The following GPM6A variants were observed in gnomAD, a reference collection of about 807,000 sequenced individuals.
GPM6A encodes the protein neuronal membrane glycoprotein M6-a.
Under a neutral mutation model 32.1 loss-of-function variants are expected in GPM6A, and 7 were observed. The ratio of observed to expected loss-of-function variants is 0.22; its 90% CI spans 0.12 to 0.41. The LOEUF (loss-of-function observed/expected upper bound fraction) is 0.41, where lower values mean the gene tolerates loss of function less well. GPM6A is among the 10% of genes least tolerant of loss of function. The pLI is 1.00. For synonymous variants in GPM6A, 130 were observed against 123.4 expected, an observed-to-expected ratio of 1.05 and a Z score of -0.35; for missense variants, 235 against 347.2, an observed-to-expected ratio of 0.68 and a Z score of 2.57.
chr4:175,930,448 G>GT (rs972005745), intron 1 of GPM6A, among the ~76,000 whole-genome samples: 4 of 128,816 alleles, frequency 3.1e-5, no homozygotes, highest in African/African-American at 8.0e-5. Context: ...TTTTGTTGTT[G>GT]TTTTTTTTAA....
At chr4:175,919,462 C>G (rs1353351674) in intron 1 of GPM6A, among the ~76,000 whole-genome samples, 3 of 152,062 alleles carry the variant, frequency 2.0e-5, no homozygotes, top group Non-Finnish European at 4.4e-5. Context: ...AATAGAGGGT[C>G]TTTTTATTTT....
At chr4:175,752,873 C>T (rs573325995) in intron 1 of GPM6A, among the ~76,000 whole-genome samples, 67 of 152,158 alleles carry the variant, frequency 4.4e-4, no homozygotes, top group Non-Finnish European at 8.7e-4. Flanking sequence ...AAGGCTCCAT[C>T]TGCAGAGAGT....
intron 1 of GPM6A, among the ~76,000 whole-genome samples, chr4:175,932,938 C>T (rs1739098518): frequency 6.6e-6 from 1 of 151,668 alleles, no homozygotes; most frequent in African/African-American, 2.4e-5. Context: ...ATGAAATAAA[C>T]AAGAGGGAGG....
intron 1 of GPM6A, among the ~76,000 whole-genome samples, chr4:175,968,947 A>C (rs1740415419): frequency 6.6e-6 from 1 of 152,238 alleles, no homozygotes; most frequent in Non-Finnish European, 1.5e-5. Context: ...AAAACTTTAG[A>C]CTACACAAAA....
intron 1 of GPM6A, among the ~76,000 whole-genome samples, chr4:175,740,612 G>T (rs753799240): frequency 1.3e-5 from 2 of 151,984 alleles, no homozygotes; most frequent in Non-Finnish European, 2.9e-5. Flanking sequence ...AAATAGATTG[G>T]AGGTAGGTAA....
At chr4:175,974,797 C>T (rs1013183958) in intron 1 of GPM6A, among the ~76,000 whole-genome samples, 7 of 152,088 alleles carry the variant, frequency 4.6e-5, no homozygotes, top group Non-Finnish European at 1.0e-4. Flanking sequence ...ATCCTCCAGC[C>T]TCAGCCTCCT....
chr4:175,875,868 C>G (rs1306134021), intron 1 of GPM6A, among the ~76,000 whole-genome samples: 1 of 152,186 alleles, frequency 6.6e-6, no homozygotes, highest in East Asian at 1.9e-4. Flanking sequence ...GGTGGATCAC[C>G]TATCTTTGAG....
intron 1 of GPM6A, among the ~76,000 whole-genome samples, chr4:175,776,284 G>T (rs1467244623): frequency 6.6e-6 from 1 of 152,088 alleles, no homozygotes; most frequent in East Asian, 1.9e-4. Context: ...CAATTTATAT[G>T]TAAATTCTAT....
intron 1 of GPM6A, among the ~76,000 whole-genome samples, chr4:175,784,959 G>C (rs1252769693): frequency 6.6e-6 from 1 of 152,190 alleles, no homozygotes; most frequent in Non-Finnish European, 1.5e-5. Flanking sequence ...AATAGTCAAA[G>C]ATCTCAATTC....
At chr4:175,923,846 G>A (rs1402804204) in intron 1 of GPM6A, among the ~76,000 whole-genome samples, 1 of 151,998 alleles carries the variant, frequency 6.6e-6, no homozygotes, top group Non-Finnish European at 1.5e-5. Flanking sequence ...GAGCCATCAT[G>A]CCCAATCTCA....
In GPM6A at chr4:175,787,280, G is replaced by T. The variant is rs929469829; in HGVS notation, c.37+24911C>A. The stretch of plus-strand genomic sequence containing the variant: ...TGCACTACAGAGATAAAGCAGAAAT[G>T]ATTTCCTCAATAGTTTCACTGATAA... On this transcript the variant is annotated intron_variant, in intron 1 of 6. Transcript: ENST00000393658. The T allele has an allele frequency of 2.2e-5, 22 of 1,021,474 alleles. No homozygotes were observed. In the East Asian group the frequency reaches 5.2e-4, roughly 24 times the overall value. 63.3% of individuals were successfully genotyped at this position (1,021,474 alleles called of 1,614,324 possible). A position where few individuals can be genotyped will look rare whatever the true frequency, so the allele number is the denominator to read the frequency against.
intron 1 of GPM6A, among the ~76,000 whole-genome samples, chr4:175,842,848 A>G (rs1735982142): frequency 6.6e-6 from 1 of 152,230 alleles, no homozygotes; most frequent in South Asian, 2.1e-4. Flanking sequence ...TTTAATATGA[A>G]TTGAATTAAT....
At chr4:175,798,584 C>G (rs1229549781) in intron 1 of GPM6A, 1 of 151,940 alleles carries the variant, frequency 6.6e-6, no homozygotes, top group Non-Finnish European at 1.5e-5. Context: ...ATCACATTAT[C>G]AAAAATACAC....
At position 175,774,322 on chromosome 4, in the gene GPM6A, A is replaced by G. The variant is rs977762304; in HGVS notation, c.37+37869T>C. 4.9e-4 allele frequency among the ~76,000 whole-genome samples: 75 copies of G among 152,112 alleles called. 1 individual carries two copies. Among genetic ancestry groups the G allele is most frequent in the African/African-American group, 1.8e-3 (73 of 41,458 alleles). ...TCTTGGATTAATAACATCATATCTA[A>G]TGTAACTCATCCTGCTAATTATTTA... On this transcript the variant is annotated intron_variant, in intron 1 of 6. Coordinates refer to ENST00000393658, the MANE Select transcript of GPM6A (RefSeq NM_201591.3).
At chr4:175,685,986 GCTTT>G (rs1281950488) in intron 2 of GPM6A, among the ~76,000 whole-genome samples, 1 of 151,984 alleles carries the variant, frequency 6.6e-6, no homozygotes, top group East Asian at 1.9e-4. Flanking sequence ...TTAGAAATAT[GCTTT>G]CTTTTTGTCT....
intron 1 of GPM6A, among the ~76,000 whole-genome samples, chr4:175,972,451 C>T (rs972635595): frequency 1.3e-5 from 2 of 152,262 alleles, no homozygotes; most frequent in East Asian, 1.9e-4. Context: ...TAAATGCAAG[C>T]GTTTTCACTT....
chr4:175,675,808 C>A (rs141783194), intron 2 of GPM6A, among the ~76,000 whole-genome samples: 1 of 152,138 alleles, frequency 6.6e-6, no homozygotes, highest in Non-Finnish European at 1.5e-5. Flanking sequence ...CACCACCATG[C>A]CTTGCAAATT....
At chr4:175,750,347 C>A (rs1175116546) in intron 1 of GPM6A, among the ~76,000 whole-genome samples, 1 of 152,042 alleles carries the variant, frequency 6.6e-6, no homozygotes, top group African/African-American at 2.4e-5. Flanking sequence ...TGTGAGCCAC[C>A]ACACCTGGCC....
intron 1 of GPM6A, among the ~76,000 whole-genome samples, chr4:175,994,131 C>T (rs2333334): frequency 0.97 from 147,139 of 152,200 alleles, 71,326 homozygotes; most frequent in East Asian, 1. Context: ...TACATAAATA[C>T]AAATGACACT....
Sources: allele counts gnomAD v4.1 joint callset (sites outside exome capture counted in the v4.1 genomes callset), GRCh38; gene constraint gnomAD v4.1.1; transcripts MANE v1.5; gene names NCBI Gene and HGNC (gene_info 2026-07-23, HGNC 2026-07-21).